The following HECW2 variants were observed in gnomAD, a reference collection of about 807,000 sequenced individuals.
HECW2 encodes E3 ubiquitin-protein ligase HECW2.
In HECW2, 61 loss-of-function variants were observed where a neutral mutation model predicts 175.2. That is an observed-to-expected ratio of 0.35 (90% confidence interval 0.28 to 0.43). The LOEUF is 0.43. HECW2 is among the 20% of genes least tolerant of loss of function. The pLI is 1.00. For missense variants in HECW2, 1,524 were observed against 2,000.5 expected (o/e 0.76, Z 4.54); for synonymous variants, 671 against 731.0 (o/e 0.92, Z 1.32).
chr2:196,586,989 T>C (rs1233390160), intron 1 of HECW2, among the ~76,000 whole-genome samples: 3 of 152,204 alleles, frequency 2.0e-5, no homozygotes, highest in Non-Finnish European at 2.9e-5. Context: ...CAAAGGAGTT[T>C]TGTCAATAAC....
At chr2:196,276,546 A>AT (rs1689963740) in intron 15 of HECW2, among the ~76,000 whole-genome samples, 1 of 152,220 alleles carries the variant, frequency 6.6e-6, no homozygotes, top group Admixed American at 6.5e-5. Flanking sequence ...GTTAAAGGGC[A>AT]CGGGCTATGC....
intron 15 of HECW2, among the ~76,000 whole-genome samples, chr2:196,274,604 A>G (rs887388725): frequency 6.6e-6 from 1 of 152,170 alleles, no homozygotes; most frequent in South Asian, 2.1e-4. Flanking sequence ...AAGAGCAGCA[A>G]TCTTCATGTG....
intron 18 of HECW2, among the ~76,000 whole-genome samples, chr2:196,257,284 C>A (rs907485066): frequency 7.2e-6 from 1 of 139,038 alleles, no homozygotes; most frequent in African/African-American, 2.5e-5. Flanking sequence ...GGGTGAGGGG[C>A]GGGGGTGAAA....
chr2:196,251,339 C>T (rs1213376122), intron 19 of HECW2, among the ~76,000 whole-genome samples: 1 of 152,128 alleles, frequency 6.6e-6, no homozygotes, highest in Non-Finnish European at 1.5e-5. Flanking sequence ...TTTCTCATGA[C>T]ATCATCCTCT....
chr2:196,397,634 C>A (rs1382578462), intron 2 of HECW2, among the ~76,000 whole-genome samples: 2 of 152,198 alleles, frequency 1.3e-5, no homozygotes, highest in African/African-American at 4.8e-5. Flanking sequence ...CCTTTAGTCC[C>A]CCACCAAATA....
intron 19 of HECW2, among the ~76,000 whole-genome samples, chr2:196,247,362 T>C (rs902661955): frequency 2.0e-4 from 30 of 152,358 alleles, no homozygotes; most frequent in African/African-American, 7.0e-4. Flanking sequence ...GGAATGATGT[T>C]ACTTCCACTT....
intron 18 of HECW2, among the ~76,000 whole-genome samples, chr2:196,255,091 G>C (rs1689005026): frequency 6.8e-6 from 1 of 147,716 alleles, no homozygotes; most frequent in Non-Finnish European, 1.5e-5. Context: ...TCCTGCCTCA[G>C]CCTCTTGAGT....
intron 1 of HECW2, among the ~76,000 whole-genome samples, chr2:196,573,623 G>A (rs954434429): frequency 7.2e-5 from 11 of 152,076 alleles, no homozygotes; most frequent in African/African-American, 2.4e-4. Context: ...CTGACTCAGT[G>A]CCCACTCAAT....
intron 1 of HECW2, chr2:196,592,688 T>G (rs1212617959): frequency 1.3e-5 from 2 of 152,148 alleles, no homozygotes; most frequent in Non-Finnish European, 2.9e-5. Flanking sequence ...AAATGGCAAA[T>G]GAATGACCGC....
intron 1 of HECW2, among the ~76,000 whole-genome samples, chr2:196,584,057 C>T (rs1690889916): frequency 6.6e-6 from 1 of 152,164 alleles, no homozygotes; most frequent in South Asian, 2.1e-4. Context: ...TACTGTCAAT[C>T]ACTGACAAGG....
chr2:196,295,255 G>A (rs77169262), intron 13 of HECW2, among the ~76,000 whole-genome samples: 5,291 of 152,086 alleles, frequency 0.035, 279 homozygotes, highest in African/African-American at 0.12. Flanking sequence ...GTGATACCAT[G>A]AAAGCAGAGA....
chr2:196,308,149 T>C (rs566607830), intron 10 of HECW2, 64 bp from the exon 11 acceptor site: 3 of 1,281,986 alleles, frequency 2.3e-6, no homozygotes, highest in African/African-American at 1.5e-5. Flanking sequence ...ATAGGGTTCA[T>C]TAAGTTTGGC....
intron 3 of HECW2, among the ~76,000 whole-genome samples, chr2:196,336,797 T>C (rs569766852): frequency 6.6e-6 from 1 of 152,180 alleles, no homozygotes; most frequent in South Asian, 2.1e-4. Context: ...TCAATGTATC[T>C]CGAATTGCAC....
chr2:196,411,036 T>C (rs551985762), intron 2 of HECW2, among the ~76,000 whole-genome samples: 1 of 152,306 alleles, frequency 6.6e-6, no homozygotes. Context: ...TCTCACTCTG[T>C]TGCTGAGGCT....
chr2:196,325,785 T>G (rs1407110838), intron 5 of HECW2, among the ~76,000 whole-genome samples: 1 of 152,250 alleles, frequency 6.6e-6, no homozygotes, highest in African/African-American at 2.4e-5. Flanking sequence ...CTACCTGCTA[T>G]TTTAAATAGC....
chr2:196,545,881 T>C (rs1689404066), intron 1 of HECW2, among the ~76,000 whole-genome samples: 1 of 152,324 alleles, frequency 6.6e-6, no homozygotes, highest in East Asian at 1.9e-4. Flanking sequence ...TTCCTCCAAA[T>C]TAAATGCAAT....
chr2:196,513,758 G>C (rs1211570877), intron 1 of HECW2, among the ~76,000 whole-genome samples: 2 of 152,228 alleles, frequency 1.3e-5, no homozygotes, highest in East Asian at 1.9e-4. Flanking sequence ...GGATAAAAGG[G>C]ATCATCCACA....
At chr2:196,469,116 T>TGCGC (rs1487225952) in intron 1 of HECW2, among the ~76,000 whole-genome samples, 1 of 94,204 alleles carries the variant, frequency 1.1e-5, no homozygotes, top group East Asian at 3.7e-4. Flanking sequence ...TGTGTGTGTG[T>TGCGC]GTGCGTGTGT....
chr2:196,505,712 C>T (rs540379098), intron 1 of HECW2, among the ~76,000 whole-genome samples: 1 of 152,202 alleles, frequency 6.6e-6, no homozygotes, highest in South Asian at 2.1e-4. Context: ...GACATAATGG[C>T]TAATCCTTAT....
Sources: gnomAD v4.1 joint callset for allele counts (sites outside exome capture counted in the v4.1 genomes callset) on GRCh38, gnomAD v4.1.1 for gene constraint, MANE v1.5 for transcripts, NCBI Gene and HGNC (gene_info 2026-07-23, HGNC 2026-07-21) for gene names.